The following MYO1D variants were observed in gnomAD, a reference collection of about 807,000 sequenced individuals.
MYO1D encodes the protein myosin ID.
In MYO1D, 83 loss-of-function variants were observed where a neutral mutation model predicts 122.0. The ratio of observed to expected loss-of-function variants is 0.68; its 90% CI spans 0.57 to 0.82. The LOEUF (loss-of-function observed/expected upper bound fraction) is 0.82. Ranked by LOEUF, MYO1D falls within the 40% of genes least tolerant of loss-of-function variation. The pLI is 0.00. For synonymous variants in MYO1D, 464 were observed against 446.9 expected (o/e 1.04, Z -0.48); for missense variants, 1,157 against 1,269.5 (o/e 0.91, Z 1.35).
chr17:32,785,703 T>C lies in MYO1D; in HGVS notation c.96-4919A>G, dbSNP rs919955024. Among the ~76,000 whole-genome samples the C allele has an allele frequency of 2.0e-5, 3 of 152,348 alleles. No individual in the cohort carries two copies. The South Asian group carries it at 6.2e-4, about 32-fold the overall frequency. On this transcript the variant is annotated intron_variant, in intron 1 of 21. Coordinates refer to ENST00000318217, the MANE Select transcript of MYO1D (RefSeq NM_015194.3). ...CTCCCATTTCCTCAACACACTCTTC[T>C]ATTGGCTTCTTTGAGCCACGTTCTC...
At chr17:32,821,061 T>G (rs547955850) in intron 1 of MYO1D, among the ~76,000 whole-genome samples, 32 of 152,158 alleles carry the variant, frequency 2.1e-4, no homozygotes, top group Non-Finnish European at 4.3e-4. Context: ...TCAGTGTGTG[T>G]TCCCCTCTGT....
At chr17:32,873,957 T>A (rs2091205123) in intron 1 of MYO1D, among the ~76,000 whole-genome samples, 1 of 152,076 alleles carries the variant, frequency 6.6e-6, no homozygotes, top group Non-Finnish European at 1.5e-5. Flanking sequence ...ACCAACCCCT[T>A]CCCTTCCAAA....
chr17:32,776,166 A>T, intron 3 of MYO1D, 137 bp from the exon 4 acceptor site: 1 of 739,502 alleles, frequency 1.4e-6, no homozygotes, highest in South Asian at 2.1e-5. Flanking sequence ...ATCAAAAAAA[A>T]AACAAACAAA....
Position 32,764,970 on chromosome 17 carries a change from G to A in MYO1D, c.943C>T (p.Leu315Phe). The A allele has an allele frequency of 6.2e-7, 1 of 1,614,168 alleles. No individual in the cohort carries two copies. The highest frequency in any genetic ancestry group is 8.5e-7 in the Non-Finnish European group (1 of 1,180,044). The change falls in exon 8 of 22, where the codon CTT becomes TTT. Residue 315 changes from leucine (L) to phenylalanine (F), a missense_variant. Physicochemically the swap from Leu to Phe is conservative, Grantham distance 22. Transcript: ENST00000318217. ...CCTGTGGCCACAGTCCGGTAAAGAA[G>A]GGCTTTCTCAACCATATCTGTCTTA... is the stretch of plus-strand genomic sequence containing the variant. ...STKTDMVEKA[L>F]LYRTVATGRD...
intron 12 of MYO1D, among the ~76,000 whole-genome samples, chr17:32,746,546 A>G (rs747129215): frequency 1.3e-5 from 2 of 152,192 alleles, no homozygotes; most frequent in Non-Finnish European, 2.9e-5. Flanking sequence ...TATTGTATAC[A>G]TGTATATAAA....
intron 19 of MYO1D, among the ~76,000 whole-genome samples, chr17:32,644,468 T>C (rs2150943761): frequency 6.6e-6 from 1 of 152,320 alleles, no homozygotes; most frequent in East Asian, 1.9e-4. Flanking sequence ...CTGGATATCC[T>C]TGTTAACTTT....
At chr17:32,531,951 A>G (rs2706755) in intron 21 of MYO1D, among the ~76,000 whole-genome samples, 33,821 of 152,180 alleles carry the variant, frequency 0.22, 4,337 homozygotes, top group East Asian at 0.49. Flanking sequence ...ATCAGGAATC[A>G]TACAATGGCA....
At chr17:32,757,852 G>C (rs2151014542) in intron 10 of MYO1D, among the ~76,000 whole-genome samples, 1 of 152,292 alleles carries the variant, frequency 6.6e-6, no homozygotes, top group East Asian at 1.9e-4. Context: ...GATACCAGGA[G>C]CCAGAAGACT....
At position 32,798,072 on chromosome 17, in the gene MYO1D, G is replaced by A. The variant is rs2090433374; in HGVS notation, c.96-17288C>T. ...TGAATTACAAAGCACAGCTTTCACTGACCTGGGAAGGAGATCTACTTCTAC... is the reference window on the plus strand; with the variant it reads ...TGAATTACAAAGCACAGCTTTCACTAACCTGGGAAGGAGATCTACTTCTAC... On this transcript the variant is annotated intron_variant, in intron 1 of 21. Coordinates refer to ENST00000318217, the MANE Select transcript of MYO1D (RefSeq NM_015194.3). Among the ~76,000 whole-genome samples the A allele has an allele frequency of 2.6e-5, 4 of 152,158 alleles. No individual in the cohort carries two copies. In the South Asian group the frequency reaches 8.3e-4, roughly 31 times the overall value.
At chr17:32,839,640 C>T (rs966959715) in intron 1 of MYO1D, among the ~76,000 whole-genome samples, 12 of 152,028 alleles carry the variant, frequency 7.9e-5, no homozygotes, top group Non-Finnish European at 1.5e-4. Flanking sequence ...GGAAGCTCAC[C>T]CTATAGGAAG....
intron 21 of MYO1D, chr17:32,497,973 C>T (rs573502861): frequency 3.3e-5 from 5 of 152,436 alleles, no homozygotes; most frequent in South Asian, 2.1e-4. Flanking sequence ...CTCTCCTTCC[C>T]GTTGGCAATT....
intron 1 of MYO1D, among the ~76,000 whole-genome samples, chr17:32,814,516 C>T (rs924352954): frequency 2.6e-5 from 4 of 152,132 alleles, no homozygotes; most frequent in Non-Finnish European, 5.9e-5. Context: ...TAATGAAGGG[C>T]CTCCTTAATC....
intron 16 of MYO1D, among the ~76,000 whole-genome samples, chr17:32,697,369 T>A (rs1339262601): frequency 6.6e-6 from 1 of 152,214 alleles, no homozygotes; most frequent in Admixed American, 6.5e-5. Context: ...ATGGCCACCA[T>A]TCAATCAAAG....
In MYO1D at chr17:32,638,785, A is replaced by G; in HGVS notation, c.2646T>C (p.Arg882=). The part of the protein sequence containing the change: ...VEDRAIFVTD[R]HLYKMDPTKQ... ...TAGTGGGATCCATTTTATACAGGTG[A>G]CGGTCAGTGACAAAAATTGCTCTGT... The change falls in exon 20 of 22, where the codon CGT becomes CGC. Residue 882 remains arginine, a synonymous_variant. Transcript: ENST00000318217. The G allele has an allele frequency of 1.2e-6, 2 of 1,613,952 alleles. No individual in the cohort carries two copies. Among genetic ancestry groups the G allele is most frequent in the South Asian group, 2.2e-5 (2 of 91,072 alleles).
chr17:32,746,656 C>A (rs1754465431), intron 12 of MYO1D, among the ~76,000 whole-genome samples: 1 of 152,076 alleles, frequency 6.6e-6, no homozygotes, highest in Non-Finnish European at 1.5e-5. Context: ...GCAGCCAGCT[C>A]TTTGTGGGAA....
At chr17:32,546,498 T>C (rs367789124) in intron 21 of MYO1D, among the ~76,000 whole-genome samples, 1 of 152,352 alleles carries the variant, frequency 6.6e-6, no homozygotes, top group African/African-American at 2.4e-5. Flanking sequence ...TGAATCCTTG[T>C]TGGTTTTAGT....
chr17:32,510,965 A>T (rs1909675530), intron 21 of MYO1D: 1 of 151,860 alleles, frequency 6.6e-6, no homozygotes, highest in African/African-American at 2.4e-5. Flanking sequence ...GGAAGAAAAA[A>T]AAAAAAAAAG....
At chr17:32,527,641 T>TAA (rs36077873) in intron 21 of MYO1D, among the ~76,000 whole-genome samples, 1,693 of 150,992 alleles carry the variant, frequency 0.011, 28 homozygotes, top group African/African-American at 0.038. Context: ...AAAAATAAGA[T>TAA]AAAAAAAATA....
At chr17:32,748,191 T>TA (rs1346786891) in intron 12 of MYO1D, among the ~76,000 whole-genome samples, 1 of 152,216 alleles carries the variant, frequency 6.6e-6, no homozygotes, top group African/African-American at 2.4e-5. Flanking sequence ...GTATTGTTAA[T>TA]AAAAATACGG....
Sources: allele counts gnomAD v4.1 joint callset (sites outside exome capture counted in the v4.1 genomes callset), GRCh38; gene constraint gnomAD v4.1.1; transcripts MANE v1.5; gene names NCBI Gene and HGNC (gene_info 2026-07-23, HGNC 2026-07-21).